The following CAMTA1 variants were observed in gnomAD, a reference collection of about 807,000 sequenced individuals.
CAMTA1 encodes calmodulin-binding transcription activator 1.
CAMTA1 carries 27 observed loss-of-function variants against 170.9 expected under a neutral mutation model. That is an observed-to-expected ratio of 0.16 (90% CI 0.12 to 0.22). The LOEUF is 0.22. CAMTA1 is among the 10% of genes least tolerant of loss of function. CAMTA1 has a pLI of 1.00. For missense variants in CAMTA1, 1,619 were observed against 2,217.2 expected (o/e 0.73, Z 5.42); for synonymous variants, 833 against 891.5 (o/e 0.93, Z 1.17).
At chr1:6,816,182 G>C (rs1301553702) in intron 1 of CAMTA1, among the ~76,000 whole-genome samples, 1 of 152,196 alleles carries the variant, frequency 6.6e-6, no homozygotes, top group African/African-American at 2.4e-5. Context: ...CTCTAATCAA[G>C]TATTCCTTCC....
intron 11 of CAMTA1, among the ~76,000 whole-genome samples, chr1:7,713,937 C>T (rs1282818739): frequency 6.6e-6 from 1 of 152,158 alleles, no homozygotes; most frequent in Non-Finnish European, 1.5e-5. Context: ...CCGGTGAGCA[C>T]CGCAGCCACT....
chr1:7,023,910 C>G (rs1228938116), intron 3 of CAMTA1, among the ~76,000 whole-genome samples: 1 of 151,650 alleles, frequency 6.6e-6, no homozygotes, highest in South Asian at 2.1e-4. Context: ...CGCCTGTAAT[C>G]CCAGCTACTC....
At chr1:6,832,213 A>G (rs914311585) in intron 3 of CAMTA1, among the ~76,000 whole-genome samples, 6 of 151,792 alleles carry the variant, frequency 4.0e-5, no homozygotes, top group African/African-American at 4.8e-5. Flanking sequence ...CTTCTGAAGT[A>G]GCTGGGATTA....
intron 4 of CAMTA1, among the ~76,000 whole-genome samples, chr1:7,184,250 G>A (rs1430361522): frequency 6.6e-6 from 1 of 152,172 alleles, no homozygotes; most frequent in African/African-American, 2.4e-5. Context: ...GGGCAGTGGG[G>A]ATGGTTAATG....
At chr1:7,537,351 G>A (rs1367746913) in intron 6 of CAMTA1, among the ~76,000 whole-genome samples, 3 of 152,186 alleles carry the variant, frequency 2.0e-5, no homozygotes, top group Admixed American at 6.5e-5. Context: ...CATGAAGGAC[G>A]CTTTGAGCCC....
At chr1:7,342,695 A>C (rs1214499171) in intron 5 of CAMTA1, among the ~76,000 whole-genome samples, 1 of 152,222 alleles carries the variant, frequency 6.6e-6, no homozygotes, top group Non-Finnish European at 1.5e-5. Context: ...ATAGGGAAGA[A>C]GGAAATAGAA....
At chr1:7,705,322 G>C (rs1432101728) in intron 11 of CAMTA1, among the ~76,000 whole-genome samples, 1 of 150,950 alleles carries the variant, frequency 6.6e-6, no homozygotes, top group Non-Finnish European at 1.5e-5. Context: ...CCGAGCCTGC[G>C]TGGGGCCCGG....
At chr1:7,453,237 G>A (rs1429356837) in intron 5 of CAMTA1, among the ~76,000 whole-genome samples, 1 of 152,250 alleles carries the variant, frequency 6.6e-6, no homozygotes, top group Non-Finnish European at 1.5e-5. Flanking sequence ...AGGTTCACGG[G>A]AGGAGGCTGG....
At position 7,131,315 on chromosome 1, in the gene CAMTA1, A is replaced by G. The variant is rs964404181; in HGVS notation, c.302+39944A>G. Among the ~76,000 whole-genome samples the G allele has an allele frequency of 1.2e-4, 18 of 152,194 alleles. No individual in the cohort carries two copies. The South Asian group carries it at 3.3e-3, about 28-fold the overall frequency. ...AGGTTTTAAATTTCGGTGAAGTAAAATTTGTTGACTATTTTTTCATGGTTC... is the reference window on the plus strand; with the variant it reads ...AGGTTTTAAATTTCGGTGAAGTAAAGTTTGTTGACTATTTTTTCATGGTTC... On this transcript the variant is annotated intron_variant, in intron 4 of 22. Transcript: ENST00000303635.
At chr1:7,027,873 C>T (rs1702226471) in intron 3 of CAMTA1, among the ~76,000 whole-genome samples, 1 of 151,902 alleles carries the variant, frequency 6.6e-6, no homozygotes, top group South Asian at 2.1e-4. Flanking sequence ...TCTTTTACTG[C>T]CAACCAGAGA....
intron 6 of CAMTA1, among the ~76,000 whole-genome samples, chr1:7,514,711 C>A (rs1438433180): frequency 1.3e-5 from 2 of 152,190 alleles, no homozygotes; most frequent in Non-Finnish European, 2.9e-5. Context: ...GGGGCATGAG[C>A]AGACAGTGGG....
At position 6,974,927 on chromosome 1, in the gene CAMTA1, T is replaced by C. The variant is rs1693151202; in HGVS notation, c.235-116377T>C. On this transcript the variant is annotated intron_variant, in intron 3 of 22. Transcript: ENST00000303635. ...GTTGGAATAAACATAAGGCTTGCTA[T>C]CTTCCTTGGACAAGGGGAAAATAAC... 2.6e-5 allele frequency among the ~76,000 whole-genome samples: 4 copies of C among 152,240 alleles called. No homozygotes were observed. In the South Asian group the frequency reaches 8.3e-4, roughly 31 times the overall value.
Position 7,228,035 on chromosome 1 carries a change from T to A in CAMTA1, c.303-21456T>A, listed in dbSNP as rs188712438. On this transcript the variant is annotated intron_variant, in intron 4 of 22. Transcript: ENST00000303635. Reference sequence around the variant, plus strand: ...CCTGGCAGTAAAACATTATTTTCTATGAAATGATATGTCTGACATTTACCA... The same window carrying A: ...CCTGGCAGTAAAACATTATTTTCTAAGAAATGATATGTCTGACATTTACCA... Among the ~76,000 whole-genome samples, 361 of 152,340 alleles carry A rather than the reference T, an allele frequency of 2.4e-3. 1 individual carries two copies. The highest frequency in any genetic ancestry group is 4.4e-3 in the Non-Finnish European group (297 of 68,026).
chr1:7,125,851 C>G (rs1359660700), intron 4 of CAMTA1, among the ~76,000 whole-genome samples: 2 of 152,164 alleles, frequency 1.3e-5, no homozygotes, highest in African/African-American at 4.8e-5. Context: ...CTTTCCATCT[C>G]TCCTCCCCAA....
intron 5 of CAMTA1, among the ~76,000 whole-genome samples, chr1:7,269,447 C>A (rs1009552471): frequency 6.6e-6 from 1 of 152,208 alleles, no homozygotes; most frequent in Non-Finnish European, 1.5e-5. Flanking sequence ...GAAGTGACAT[C>A]TCATCATCTT....
intron 6 of CAMTA1, among the ~76,000 whole-genome samples, chr1:7,622,421 T>G (rs2095604974): frequency 6.6e-6 from 1 of 152,240 alleles, no homozygotes; most frequent in South Asian, 2.1e-4. Context: ...AGATAACAGA[T>G]TGGTGTATTC....
chr1:7,473,408 C>T (rs1019313282), intron 6 of CAMTA1, among the ~76,000 whole-genome samples: 56 of 152,208 alleles, frequency 3.7e-4, no homozygotes, highest in African/African-American at 1.2e-3. Flanking sequence ...AGGCTCGGGG[C>T]TCCCCCAAGG....
At position 7,640,301 on chromosome 1, in the gene CAMTA1, G is replaced by A. The variant is rs146846750; in HGVS notation, c.511-99G>A. 7.8e-4 allele frequency: 1,037 copies of A among 1,332,024 alleles called. 6 individuals are homozygous for A. The highest frequency in any genetic ancestry group is 5.9e-3 in the Middle Eastern group (31 of 5,274). The allele number at this position is 1,332,024 out of a possible 1,614,324, so 82.5% of individuals were successfully genotyped here. On this transcript the variant is annotated intron_variant, in intron 6 of 22. Transcript: ENST00000303635. ...TGAGGTCAAGAGAGCCGGGTGTCTGGGGCCTCAGTCTCTGCCTGCACCTGC... is the reference window on the plus strand; with the variant it reads ...TGAGGTCAAGAGAGCCGGGTGTCTGAGGCCTCAGTCTCTGCCTGCACCTGC...
At chr1:7,318,074 ATGACGGCAAGGC>A in intron 5 of CAMTA1, among the ~76,000 whole-genome samples, 1 of 152,316 alleles carries the variant, frequency 6.6e-6, no homozygotes, top group South Asian at 2.1e-4. Flanking sequence ...GTGGGGGAAG[ATGACGGCAAGGC>A]TGACGTCAGG....
Sources: allele counts gnomAD v4.1 joint callset (sites outside exome capture counted in the v4.1 genomes callset), GRCh38; gene constraint gnomAD v4.1.1; transcripts MANE v1.5; gene names NCBI Gene and HGNC (gene_info 2026-07-23, HGNC 2026-07-21).